The following PLAAT3 variants were observed in gnomAD, a reference collection of about 807,000 sequenced individuals.
PLAAT3 encodes Ca-independent phospholipase A1/2.
PLAAT3 carries 21 observed loss-of-function variants against 16.7 expected under a neutral mutation model. The observed-to-expected ratio is 1.26, with a 90% confidence interval of 0.89 to 1.81. PLAAT3 has a LOEUF of 1.81. PLAAT3 is among the 40% of genes most tolerant of loss of function. The pLI, the probability that PLAAT3 is intolerant of heterozygous loss-of-function variation, is 0.00. For synonymous variants in PLAAT3, 76 were observed against 81.7 expected, an observed-to-expected ratio of 0.93 and a Z score of 0.38; for missense variants, 219 against 213.7, an observed-to-expected ratio of 1.02 and a Z score of -0.16.
chr11:63,581,380 GTAGGTCTATAGAC>G (rs1445919194), intron 4 of PLAAT3, among the ~76,000 whole-genome samples: 1 of 152,154 alleles, frequency 6.6e-6, no homozygotes, highest in Non-Finnish European at 1.5e-5. Flanking sequence ...ATTCCTGGGG[GTAGGTCTATAGAC>G]GGCCGCTCTG....
At chr11:63,608,926 C>A (rs1938629219) in intron 2 of PLAAT3, among the ~76,000 whole-genome samples, 1 of 152,142 alleles carries the variant, frequency 6.6e-6, no homozygotes, top group Admixed American at 6.5e-5. Flanking sequence ...AGGTACAGCA[C>A]CTGATTTGTG....
At chr11:63,581,254 C>T (rs530518014) in intron 4 of PLAAT3, among the ~76,000 whole-genome samples, 5 of 152,114 alleles carry the variant, frequency 3.3e-5, no homozygotes, top group African/African-American at 4.8e-5. Context: ...CCTGCGGGGT[C>T]GGGCAGAATA....
Position 63,582,720 on chromosome 11 carries a change from A to C in PLAAT3, c.387+7380T>G, listed in dbSNP as rs1217073877. On this transcript the variant is annotated intron_variant, in intron 4 of 4. Transcript: ENST00000415826. ...GTGTTTCCTGAGGTTAAACACAACT[A>C]TGTGTTTCCTGACATTAAACACATT... 2.6e-5 allele frequency among the ~76,000 whole-genome samples: 4 copies of C among 152,112 alleles called. No homozygotes were observed. In the East Asian group the frequency reaches 5.8e-4, roughly 22 times the overall value.
chr11:63,581,023 A>G (rs968869951), intron 4 of PLAAT3, among the ~76,000 whole-genome samples: 1 of 152,184 alleles, frequency 6.6e-6, no homozygotes, highest in Non-Finnish European at 1.5e-5. Context: ...GACATTTATC[A>G]CTTCCCCAAT....
At chr11:63,594,875 T>C (rs1363893673) in intron 3 of PLAAT3, among the ~76,000 whole-genome samples, 1 of 121,828 alleles carries the variant, frequency 8.2e-6, no homozygotes, top group African/African-American at 3.3e-5. Context: ...AAAGTGCTTA[T>C]GAAAGGAAGA....
At position 63,614,412 on chromosome 11, in the gene PLAAT3, C is replaced by T. The variant is rs1565259177; in HGVS notation, c.-82G>A. On this transcript the variant is annotated 5_prime_UTR_variant, in exon 1 of 5. Coordinates refer to ENST00000415826, the MANE Select transcript of PLAAT3 (RefSeq NM_001128203.2). ...CGCGGTCTCGGAGGCAGCGCTGCAG[C>T]CCCAGCAATTGGACCGGGTCTAATG... The T allele has an allele frequency of 4.9e-6, 1 of 204,520 alleles. No individual in the cohort carries two copies. Among genetic ancestry groups the T allele is most frequent in the Non-Finnish European group, 9.8e-6 (1 of 101,526 alleles). The allele number at this position is 204,520 out of a possible 1,614,324, so 12.7% of individuals were successfully genotyped here.
chr11:63,613,684 G>A (rs1167198038), intron 2 of PLAAT3, among the ~76,000 whole-genome samples: 1 of 2,810 alleles, frequency 3.6e-4, no homozygotes, highest in African/African-American at 3.7e-4. Flanking sequence ...CTGTCCGGGT[G>A]TGGCTCCGGA....
chr11:63,603,749 CACACAG>C (rs1463308429), intron 2 of PLAAT3, among the ~76,000 whole-genome samples: 2,535 of 38,810 alleles, frequency 0.065, 52 homozygotes, highest in African/African-American at 0.097. Context: ...CACACACACA[CACACAG>C]ACAGAGATAT....
At position 63,575,393 on chromosome 11, in the gene PLAAT3, G is replaced by A. The variant is rs79670031; in HGVS notation, c.388-347C>T. ...CTTGGCTGGCCAATGGGGAGCTCTA[G>A]AAGCAAAGGTGGAGTCAGGGAGGAA... On this transcript the variant is annotated intron_variant, in intron 4 of 4. Coordinates refer to ENST00000415826, the MANE Select transcript of PLAAT3 (RefSeq NM_001128203.2). Among the ~76,000 whole-genome samples, 23 of 152,368 alleles carry A rather than the reference G, an allele frequency of 1.5e-4. No homozygotes were observed. The East Asian group carries it at 2.9e-3, about 19-fold the overall frequency.
At chr11:63,590,503 TGGCTGTG>T (rs1565250720) in intron 3 of PLAAT3, 135 bp from the exon 4 acceptor site, 2 of 691,724 alleles carry the variant, frequency 2.9e-6, no homozygotes, top group Non-Finnish European at 4.9e-6. Context: ...GTCAGACGCA[TGGCTGTG>T]GGCCTTGGGG....
At position 63,602,809 on chromosome 11, in the gene PLAAT3, A is replaced by G. The variant is rs1028581865; in HGVS notation, c.16-4646T>C. Among the ~76,000 whole-genome samples the G allele has an allele frequency of 2.0e-5, 3 of 152,032 alleles. No individual in the cohort carries two copies. In the East Asian group the frequency reaches 5.8e-4, roughly 29 times the overall value. On this transcript the variant is annotated intron_variant, in intron 2 of 4. Transcript: ENST00000415826. ...TGCAAGATCTAAAATGCTTACTATGATGGCCAGGCGCAGCGGCTCATGCCT... is the reference window on the plus strand; with the variant it reads ...TGCAAGATCTAAAATGCTTACTATGGTGGCCAGGCGCAGCGGCTCATGCCT...
At chr11:63,596,313 ACAGAGCTTCGTCCT>A (rs1190533071) in intron 3 of PLAAT3, among the ~76,000 whole-genome samples, 1 of 151,256 alleles carries the variant, frequency 6.6e-6, no homozygotes, top group Non-Finnish European at 1.5e-5. Context: ...ACACATCAAA[ACAGAGCTTCGTCCT>A]CAGATGCCAC....
chr11:63,583,342 T>C (rs1162421249), intron 4 of PLAAT3, among the ~76,000 whole-genome samples: 1 of 152,192 alleles, frequency 6.6e-6, no homozygotes, highest in African/African-American at 2.4e-5. Context: ...CTAAGCTCTG[T>C]GTCAGGGTAG....
At chr11:63,590,863 G>A (rs2134408697) in intron 3 of PLAAT3, among the ~76,000 whole-genome samples, 1 of 152,322 alleles carries the variant, frequency 6.6e-6, no homozygotes, top group South Asian at 2.1e-4. Flanking sequence ...TGGATGCTAA[G>A]GAGGCTTAGT....
In PLAAT3 at chr11:63,579,004, A is replaced by G. The variant is rs1049194812; in HGVS notation, c.388-3958T>C. ...AAAGGGCTAATATCCAGAATCTACA[A>G]TGAACTCAAACACATTTACAAGAAA... On this transcript the variant is annotated intron_variant, in intron 4 of 4. Transcript: ENST00000415826. Among the ~76,000 whole-genome samples the G allele has an allele frequency of 9.2e-5, 14 of 152,232 alleles. No homozygotes were observed. In the South Asian group the frequency reaches 1.2e-3, roughly 14 times the overall value.
At chr11:63,599,496 G>A (rs766887006) in intron 2 of PLAAT3, among the ~76,000 whole-genome samples, 2 of 152,238 alleles carry the variant, frequency 1.3e-5, no homozygotes, top group Non-Finnish European at 2.9e-5. Context: ...CAACGCCTAT[G>A]AAGGCGGGTC....
At chr11:63,604,505 G>A (rs1302134090) in intron 2 of PLAAT3, among the ~76,000 whole-genome samples, 1 of 152,008 alleles carries the variant, frequency 6.6e-6, no homozygotes, top group African/African-American at 2.4e-5. Context: ...GCTCACACCT[G>A]TAATCCCAGC....
At chr11:63,591,930 C>G (rs998794691) in intron 3 of PLAAT3, among the ~76,000 whole-genome samples, 1 of 152,078 alleles carries the variant, frequency 6.6e-6, no homozygotes, top group Non-Finnish European at 1.5e-5. Context: ...CAGGGCCATG[C>G]AAGTGCAGAG....
chr11:63,615,738 C>T (rs551038924), upstream of PLAAT3, among the ~76,000 whole-genome samples: 1 of 151,208 alleles, frequency 6.6e-6, no homozygotes, highest in South Asian at 2.1e-4. Context: ...GGCTCTATCT[C>T]AGCTCACTGC....
Sources: gnomAD v4.1 joint callset for allele counts (sites outside exome capture counted in the v4.1 genomes callset) on GRCh38, gnomAD v4.1.1 for gene constraint, MANE v1.5 for transcripts, NCBI Gene and HGNC (gene_info 2026-07-23, HGNC 2026-07-21) for gene names.